Variants in MAN2A1 observed in about 807,000 individuals in gnomAD.
The protein encoded by MAN2A1 is mannosidase alpha class 2A member 1, also known as alpha-mannosidase 2.
MAN2A1 carries 76 observed loss-of-function variants against 142.6 expected under a neutral mutation model. The observed-to-expected ratio is 0.53, with a 90% confidence interval of 0.44 to 0.65. The LOEUF (loss-of-function observed/expected upper bound fraction) is 0.65. Among genes scored for constraint, MAN2A1 ranks in the 30% least tolerant of loss-of-function variants. The pLI is 0.00. For missense variants in MAN2A1, 1,311 were observed against 1,365.1 expected (o/e 0.96, Z 0.62); for synonymous variants, 559 against 473.2 (o/e 1.18, Z -2.35).
intron 4 of MAN2A1, among the ~76,000 whole-genome samples, chr5:109,735,306 T>C (rs1448874115): frequency 6.6e-6 from 1 of 152,190 alleles, no homozygotes; most frequent in Admixed American, 6.5e-5. Flanking sequence ...AGCACACTGA[T>C]GGGTCTTGAC....
intron 5 of MAN2A1, among the ~76,000 whole-genome samples, chr5:109,759,276 C>G (rs1752773512): frequency 6.6e-6 from 1 of 152,040 alleles, no homozygotes; most frequent in Non-Finnish European, 1.5e-5. Flanking sequence ...AAGTCCTGTA[C>G]TTTTTTTGTT....
rs562422487 is a variant in MAN2A1, at chr5:109,696,832, A to G, written c.135+6280A>G. On this transcript the variant is annotated intron_variant, in intron 1 of 21. Transcript: ENST00000261483. ...CAAAAGGCCGAAGCTCAAAAAGCCAATTAGCATTTTTTGATGGGTGAACTC... is the reference window on the plus strand; with the variant it reads ...CAAAAGGCCGAAGCTCAAAAAGCCAGTTAGCATTTTTTGATGGGTGAACTC... Among the ~76,000 whole-genome samples, 3 of 152,348 alleles carry G rather than the reference A, an allele frequency of 2.0e-5. No homozygotes were observed. In the East Asian group the frequency reaches 5.8e-4, roughly 29 times the overall value.
chr5:109,744,511 G>C (rs550825976), intron 4 of MAN2A1, among the ~76,000 whole-genome samples: 1 of 152,126 alleles, frequency 6.6e-6, no homozygotes, highest in African/African-American at 2.4e-5. Flanking sequence ...GGGTGTGTGT[G>C]TAGAAGCTGG....
At chr5:109,768,046 T>G (rs1753041136) in intron 6 of MAN2A1, among the ~76,000 whole-genome samples, 1 of 152,208 alleles carries the variant, frequency 6.6e-6, no homozygotes, top group African/African-American at 2.4e-5. Context: ...TGATATCCAG[T>G]CATATATCTT....
At chr5:109,799,754 C>CA (rs35788147) in intron 12 of MAN2A1, among the ~76,000 whole-genome samples, 26,576 of 115,266 alleles carry the variant, frequency 0.23, 3,285 homozygotes, top group East Asian at 0.66. Flanking sequence ...AACTCCGTCT[C>CA]AAAAAAAAAA....
intron 12 of MAN2A1, among the ~76,000 whole-genome samples, chr5:109,799,944 C>T (rs746277770): frequency 6.6e-5 from 10 of 151,804 alleles, no homozygotes; most frequent in South Asian, 2.1e-4. Flanking sequence ...AAAAATTAGC[C>T]GGGAGTGGTA....
At chr5:109,697,999 G>GT (rs779465010) in intron 1 of MAN2A1, among the ~76,000 whole-genome samples, 1 of 152,186 alleles carries the variant, frequency 6.6e-6, no homozygotes. Context: ...TCACCTGAAG[G>GT]TTTTGCACTG....
chr5:109,835,684 GT>G (rs1755039140), intron 16 of MAN2A1, among the ~76,000 whole-genome samples: 1 of 152,054 alleles, frequency 6.6e-6, no homozygotes, highest in Non-Finnish European at 1.5e-5. Flanking sequence ...CTTTTTTGTC[GT>G]TTTTCCCAAG....
chr5:109,770,282 A>G, intron 6 of MAN2A1, 73 bp from the exon 7 acceptor site: 2 of 1,366,036 alleles, frequency 1.5e-6, no homozygotes, highest in Middle Eastern at 1.9e-4. Flanking sequence ...TGTGTAAAGT[A>G]ATGACATTTT....
At chr5:109,863,406 G>A (rs1038547721) in intron 20 of MAN2A1, 51 of 152,266 alleles carry the variant, frequency 3.3e-4, no homozygotes, top group African/African-American at 1.2e-3. Context: ...ACCTGGTTTT[G>A]CTGAAACCCA....
At chr5:109,691,596 G>A (rs1190762563) in intron 1 of MAN2A1, among the ~76,000 whole-genome samples, 1 of 151,916 alleles carries the variant, frequency 6.6e-6, no homozygotes, top group African/African-American at 2.4e-5. Flanking sequence ...TTTTTTTTGT[G>A]TTATGCTAGA....
intron 1 of MAN2A1, among the ~76,000 whole-genome samples, chr5:109,692,049 C>T (rs1750686663): frequency 6.6e-6 from 1 of 152,088 alleles, no homozygotes; most frequent in Non-Finnish European, 1.5e-5. Context: ...AAAGTGTTTT[C>T]TAAAATAATG....
At chr5:109,755,755 A>G (rs1357645508) in intron 5 of MAN2A1, among the ~76,000 whole-genome samples, 2 of 151,938 alleles carry the variant, frequency 1.3e-5, no homozygotes, top group Non-Finnish European at 2.9e-5. Flanking sequence ...AAACCTAATT[A>G]TGGTAGCTTA....
At chr5:109,703,013 G>A (rs998755915) in intron 1 of MAN2A1, among the ~76,000 whole-genome samples, 1 of 152,174 alleles carries the variant, frequency 6.6e-6, no homozygotes, top group African/African-American at 2.4e-5. Context: ...ATAAGAAATA[G>A]AAGGGACTTA....
At chr5:109,798,517 T>C (rs1471791316) in intron 12 of MAN2A1, among the ~76,000 whole-genome samples, 1 of 152,220 alleles carries the variant, frequency 6.6e-6, no homozygotes, top group African/African-American at 2.4e-5. Flanking sequence ...AATTTTAGAG[T>C]GACCAGATAT....
chr5:109,863,773 A>C (rs1364713151), intron 20 of MAN2A1: 1 of 152,240 alleles, frequency 6.6e-6, no homozygotes, highest in Admixed American at 6.5e-5. Flanking sequence ...GTACATGGGC[A>C]GGGTGTTTTA....
In MAN2A1 at chr5:109,784,777, A is replaced by G. The variant is rs1277601202; in HGVS notation, c.1611A>G (p.Arg537=). The G allele has an allele frequency of 6.2e-7, 1 of 1,606,518 alleles. No individual in the cohort carries two copies. Among genetic ancestry groups the G allele is most frequent in the Non-Finnish European group, 8.5e-7 (1 of 1,177,752 alleles). The change falls in exon 10 of 22, where the codon AGA becomes AGG. Residue 537 remains arginine (R), a synonymous_variant. Transcript: ENST00000261483. ...AAEILYYFAL[R]QAHKYKINKF... is the part of the protein sequence containing the mutation. ...AAATTCTTTACTATTTCGCCCTGAG[A>G]CAAGCTCACAAATACAAGATAAATA... is the stretch of plus-strand genomic sequence containing the variant.
Position 109,690,299 on chromosome 5 carries a change from G to C in MAN2A1, c.-119G>C. 1 of 1,053,150 alleles carries C rather than the reference G, an allele frequency of 9.5e-7. No individual in the cohort carries two copies. Among genetic ancestry groups the C allele is most frequent in the South Asian group, 1.4e-5 (1 of 73,380 alleles). 65.2% of individuals were successfully genotyped at this position (1,053,150 alleles called of 1,614,324 possible). A position where few individuals can be genotyped will look rare whatever the true frequency, so the allele number is the denominator to read the frequency against. On this transcript the variant is annotated 5_prime_UTR_variant, in exon 1 of 22. Coordinates refer to ENST00000261483, the MANE Select transcript of MAN2A1 (RefSeq NM_002372.4). ...GGCGGGGACTCGCACCCGCATCCGA[G>C]AGCGCGGAGGTCGCGCAGCCCGGGA...
chr5:109,777,821 A>G (rs1753337056), intron 8 of MAN2A1, among the ~76,000 whole-genome samples: 1 of 152,040 alleles, frequency 6.6e-6, no homozygotes, highest in South Asian at 2.1e-4. Context: ...ACTTTCTTCC[A>G]CAGCACCACA....
Sources: gnomAD v4.1 joint callset for allele counts (sites outside exome capture counted in the v4.1 genomes callset) on GRCh38, gnomAD v4.1.1 for gene constraint, MANE v1.5 for transcripts, NCBI Gene and HGNC (gene_info 2026-07-23, HGNC 2026-07-21) for gene names.